The following TGFBR3 variants were observed in gnomAD, a reference collection of about 807,000 sequenced individuals.
TGFBR3 encodes the protein transforming growth factor beta receptor 3, also known as transforming growth factor beta receptor type 3.
TGFBR3 carries 46 observed loss-of-function variants against 87.9 expected under a neutral mutation model. That is an observed-to-expected ratio of 0.52 (90% CI 0.41 to 0.67). TGFBR3 has a LOEUF of 0.67. Ranked by LOEUF, TGFBR3 falls within the 30% of genes least tolerant of loss-of-function variation. TGFBR3 has a pLI of 0.00. For missense variants in TGFBR3, 866 were observed against 1,041.9 expected, an observed-to-expected ratio of 0.83 and a Z score of 2.32; for synonymous variants, 381 against 391.6, an observed-to-expected ratio of 0.97 and a Z score of 0.32.
intron 14 of TGFBR3, among the ~76,000 whole-genome samples, chr1:91,705,625 G>A (rs1476551129): frequency 1.3e-5 from 2 of 152,186 alleles, no homozygotes; most frequent in Non-Finnish European, 2.9e-5. Context: ...AGAGTCAAAA[G>A]AAAATAAACT....
chr1:91,838,530 C>T (rs182482401), intron 2 of TGFBR3, among the ~76,000 whole-genome samples: 4 of 149,952 alleles, frequency 2.7e-5, no homozygotes, highest in Admixed American at 1.3e-4. Flanking sequence ...GCAAACTCGG[C>T]GCACTGCAAG....
At chr1:91,708,209 T>G (rs944966626) in intron 14 of TGFBR3, among the ~76,000 whole-genome samples, 1 of 152,240 alleles carries the variant, frequency 6.6e-6, no homozygotes, top group African/African-American at 2.4e-5. Context: ...ACACCTAAGA[T>G]GAATAATGTT....
chr1:91,789,706 T>C (rs1675116257), intron 3 of TGFBR3, among the ~76,000 whole-genome samples: 1 of 152,206 alleles, frequency 6.6e-6, no homozygotes. Flanking sequence ...TAGCTGGAAT[T>C]TTAGATTGAA....
In TGFBR3 at chr1:91,839,951, C is replaced by T. The variant is rs577568563; in HGVS notation, c.61+21520G>A. On this transcript the variant is annotated intron_variant, in intron 2 of 16. Transcript: ENST00000212355. ...AAGCTGAGTGATAAGCCTAAAGAAA[C>T]GCTGTACTACTTATGCAACCCTTCT... Among the ~76,000 whole-genome samples the T allele has an allele frequency of 2.0e-4, 31 of 151,956 alleles. 1 individual carries two copies. The highest frequency in any genetic ancestry group is 5.8e-4 in the East Asian group (3 of 5,148).
intron 2 of TGFBR3, among the ~76,000 whole-genome samples, chr1:91,820,176 T>C (rs1474518119): frequency 1.3e-5 from 2 of 152,238 alleles, no homozygotes; most frequent in Non-Finnish European, 2.9e-5. Flanking sequence ...ATTTTAAATC[T>C]TTTGTAATCT....
In TGFBR3 at chr1:91,735,400, C is replaced by A. The variant is rs17884381; in HGVS notation, c.385-441G>T. ...TAGCAACTGATCACGACTTTCAGGTCTTCCACAGTTGCAGCATCTGCCAAC... is the reference window on the plus strand; with the variant it reads ...TAGCAACTGATCACGACTTTCAGGTATTCCACAGTTGCAGCATCTGCCAAC... On this transcript the variant is annotated intron_variant, in intron 4 of 16. Coordinates refer to ENST00000212355, the MANE Select transcript of TGFBR3 (RefSeq NM_003243.5). Among the ~76,000 whole-genome samples, 176 of 152,304 alleles carry A rather than the reference C, an allele frequency of 1.2e-3. 1 individual carries two copies. In the East Asian group the frequency reaches 0.033, roughly 28 times the overall value.
chr1:91,777,148 A>G (rs561083139), intron 3 of TGFBR3, among the ~76,000 whole-genome samples: 1 of 152,344 alleles, frequency 6.6e-6, no homozygotes, highest in East Asian at 1.9e-4. Flanking sequence ...GGCAGCTGAC[A>G]TCACTGGATT....
intron 2 of TGFBR3, among the ~76,000 whole-genome samples, chr1:91,815,552 C>T (rs1676192347): frequency 6.6e-6 from 1 of 152,214 alleles, no homozygotes; most frequent in East Asian, 1.9e-4. Context: ...ACAATGGGAA[C>T]CTTGGGAGCA....
Position 91,680,696 on chromosome 1 carries a change from G to C in TGFBR3, c.*3043C>G, listed in dbSNP as rs1487508072. 1 of 453,976 alleles carries C rather than the reference G, an allele frequency of 2.2e-6. No homozygotes were observed. Among genetic ancestry groups the C allele is most frequent in the Admixed American group, 2.3e-5 (1 of 42,556 alleles). 28.1% of individuals were successfully genotyped at this position (453,976 alleles called of 1,614,324 possible). A position where few individuals can be genotyped will look rare whatever the true frequency, so the allele number is the denominator to read the frequency against. Reference sequence around the variant, plus strand: ...ACATAGGACTCACCCAACAAAATGTGCTCTGTTAACACAACCAGCAGTACA... The same window carrying C: ...ACATAGGACTCACCCAACAAAATGTCCTCTGTTAACACAACCAGCAGTACA... On this transcript the variant is annotated 3_prime_UTR_variant, in exon 17 of 17. Transcript: ENST00000212355.
rs540614086 is a variant in TGFBR3 at position 91,721,040 on chromosome 1, T to C, written c.1076-810A>G. Among the ~76,000 whole-genome samples the C allele has an allele frequency of 1.3e-4, 20 of 152,288 alleles. No homozygotes were observed. The East Asian group carries it at 3.1e-3, about 23-fold the overall frequency. On this transcript the variant is annotated intron_variant, in intron 8 of 16. Coordinates refer to ENST00000212355, the MANE Select transcript of TGFBR3 (RefSeq NM_003243.5). ...TCTAACAACTAAAAAAATAATAATT[T>C]CCCCAGTATTCTTTATATCTACTAT... is the stretch of plus-strand genomic sequence containing the variant.
intron 3 of TGFBR3, among the ~76,000 whole-genome samples, chr1:91,784,963 G>A (rs755307910): frequency 1.8e-4 from 28 of 152,286 alleles, no homozygotes; most frequent in Non-Finnish European, 2.5e-4. Context: ...TTAAAGCTTT[G>A]CAGGCCATGC....
At chr1:91,782,907 G>A (rs1297348291) in intron 3 of TGFBR3, among the ~76,000 whole-genome samples, 2 of 152,024 alleles carry the variant, frequency 1.3e-5, no homozygotes, top group Admixed American at 6.5e-5. Context: ...CCACGTAAAC[G>A]GGTCCACAGG....
chr1:91,829,564 GCAGTCCCCT>G (rs968769211), intron 2 of TGFBR3, among the ~76,000 whole-genome samples: 4 of 152,054 alleles, frequency 2.6e-5, no homozygotes, highest in Admixed American at 2.6e-4. Flanking sequence ...CCAGAACATA[GCAGTCCCCT>G]CAAAGGAAGC....
chr1:91,862,022 A>G (rs1678222200), intron 1 of TGFBR3: 1 of 193,878 alleles, frequency 5.2e-6, no homozygotes, highest in Non-Finnish European at 1.1e-5. Flanking sequence ...CGCCTGGCTA[A>G]TTTTTGTATT....
intron 13 of TGFBR3, among the ~76,000 whole-genome samples, chr1:91,711,400 A>G (rs1671977437): frequency 6.6e-6 from 1 of 152,196 alleles, no homozygotes; most frequent in Non-Finnish European, 1.5e-5. Flanking sequence ...CTCCATACCT[A>G]AGACTTAAAA....
chr1:91,716,216 G>T lies in TGFBR3; in HGVS notation c.1866+20C>A, dbSNP rs1438525774. ...GCCCAGCACTAACCTAAAAGGTCAA[G>T]GCTAACTTTCAGGTCTCACCTCAAC... On this transcript the variant is annotated intron_variant, in intron 12 of 16. Transcript: ENST00000212355. 6.2e-7 allele frequency: 1 copy of T among 1,613,916 alleles called. No homozygotes were observed. Among genetic ancestry groups the T allele is most frequent in the Non-Finnish European group, 8.5e-7 (1 of 1,179,930 alleles).
chr1:91,722,203 T>A, intron 7 of TGFBR3, 59 bp from the exon 8 acceptor site: 1 of 1,316,628 alleles, frequency 7.6e-7, no homozygotes, highest in Non-Finnish European at 1.1e-6. Flanking sequence ...CTTTAGATAA[T>A]AAAAATTAAA....
At chr1:91,735,075 T>C (rs1004717427) in intron 4 of TGFBR3, 116 bp from the exon 5 acceptor site, 14 of 1,204,876 alleles carry the variant, frequency 1.2e-5, no homozygotes, top group Admixed American at 5.3e-5. Context: ...CCCTTTGTTA[T>C]ACAAGCAGAT....
intron 3 of TGFBR3, among the ~76,000 whole-genome samples, chr1:91,763,335 G>A (rs1026708157): frequency 4.6e-5 from 7 of 152,272 alleles, no homozygotes; most frequent in East Asian, 1.9e-4. Flanking sequence ...TTTTGCTAAC[G>A]TGTCAGTGAG....
Sources: gnomAD v4.1 joint callset for allele counts (sites outside exome capture counted in the v4.1 genomes callset) on GRCh38, gnomAD v4.1.1 for gene constraint, MANE v1.5 for transcripts, NCBI Gene and HGNC (gene_info 2026-07-23, HGNC 2026-07-21) for gene names.